Variants in BCAS4 observed in about 807,000 individuals in gnomAD.
BCAS4 encodes the protein breast carcinoma-amplified sequence 4.
BCAS4 carries 9 observed loss-of-function variants against 15.7 expected under a neutral mutation model. The ratio of observed to expected loss-of-function variants is 0.57; its 90% CI spans 0.34 to 1.00. The LOEUF (loss-of-function observed/expected upper bound fraction) is 1.00. BCAS4 is among the 50% of genes least tolerant of loss of function. BCAS4 has a pLI of 0.02. For synonymous variants in BCAS4, 101 were observed against 99.5 expected (o/e 1.02, Z -0.09); for missense variants, 225 against 239.1 (o/e 0.94, Z 0.39).
chr20:50,864,209 C>T (rs1052450457), intron 4 of BCAS4, among the ~76,000 whole-genome samples: 17 of 152,308 alleles, frequency 1.1e-4, no homozygotes, highest in South Asian at 2.1e-4. Flanking sequence ...GATAGCAGAG[C>T]GGTAGCCCAC....
At chr20:50,798,422 C>T (rs1444223544) in intron 1 of BCAS4, among the ~76,000 whole-genome samples, 1 of 151,962 alleles carries the variant, frequency 6.6e-6, no homozygotes, top group Non-Finnish European at 1.5e-5. Flanking sequence ...GCCTGTGGTC[C>T]CAGTACTTTG....
rs147188706 is a variant in BCAS4 at position 50,823,608 on chromosome 20, G to T, written c.162+5326G>T. Among the ~76,000 whole-genome samples, 791 of 152,256 alleles carry T rather than the reference G, an allele frequency of 5.2e-3. 11 individuals carry two copies. Among genetic ancestry groups the T allele is most frequent in the East Asian group, 0.037 (191 of 5,176 alleles). The stretch of plus-strand genomic sequence containing the variant: ...AGGACAAAGTGGGAGGGTTGCTTGA[G>T]CTCAGGAGTTTGAGACCAGCCTGGG... On this transcript the variant is annotated intron_variant, in intron 2 of 4. Transcript: ENST00000371608.
At chr20:50,829,331 C>T (rs1168155136) in intron 2 of BCAS4, among the ~76,000 whole-genome samples, 1 of 152,122 alleles carries the variant, frequency 6.6e-6, no homozygotes, top group African/African-American at 2.4e-5. Context: ...CAACCTCCGC[C>T]TCCCGGGTTC....
upstream of BCAS4, chr20:50,794,919 C>A: frequency 9.5e-7 from 1 of 1,048,642 alleles, no homozygotes; most frequent in Non-Finnish European, 1.2e-6. Flanking sequence ...CCCGCTCGGC[C>A]CGGCGCTCCT....
At chr20:50,803,671 T>A (rs1047047457) in intron 1 of BCAS4, among the ~76,000 whole-genome samples, 2 of 151,926 alleles carry the variant, frequency 1.3e-5, no homozygotes, top group Non-Finnish European at 2.9e-5. Context: ...AGCAAGACCA[T>A]GTCTCTACAA....
chr20:50,795,592 C>G (rs1252868672), intron 1 of BCAS4, among the ~76,000 whole-genome samples: 2 of 152,230 alleles, frequency 1.3e-5, no homozygotes, highest in African/African-American at 4.8e-5. Context: ...GAAAACACCA[C>G]GCCTCTGTCT....
intron 3 of BCAS4, among the ~76,000 whole-genome samples, chr20:50,833,717 C>G (rs1028039946): frequency 6.6e-6 from 1 of 152,156 alleles, no homozygotes; most frequent in African/African-American, 2.4e-5. Context: ...TTCTTACACC[C>G]AAATCCTTGT....
At chr20:50,841,376 A>C (rs1421746628) in intron 3 of BCAS4, among the ~76,000 whole-genome samples, 2 of 152,198 alleles carry the variant, frequency 1.3e-5, no homozygotes, top group African/African-American at 4.8e-5. Context: ...TATTTCTATA[A>C]AATCAACTTT....
chr20:50,849,354 G>A (rs1278726334), intron 4 of BCAS4, among the ~76,000 whole-genome samples: 3 of 152,188 alleles, frequency 2.0e-5, no homozygotes, highest in South Asian at 2.1e-4. Context: ...GCTGGGACTC[G>A]GGGCTGCCTG....
At chr20:50,858,197 G>A (rs1268135383) in intron 4 of BCAS4, among the ~76,000 whole-genome samples, 1 of 152,152 alleles carries the variant, frequency 6.6e-6, no homozygotes, top group East Asian at 1.9e-4. Context: ...AAAAATCCAT[G>A]GGTGCTTGAG....
chr20:50,854,988 C>A (rs530259258), intron 4 of BCAS4, among the ~76,000 whole-genome samples: 2 of 152,106 alleles, frequency 1.3e-5, no homozygotes, highest in Non-Finnish European at 2.9e-5. Context: ...AGGAGCACGC[C>A]GGTGCTCAGG....
intron 4 of BCAS4, among the ~76,000 whole-genome samples, chr20:50,874,636 C>G (rs116038037): frequency 0.029 from 4,391 of 152,242 alleles, 201 homozygotes; most frequent in African/African-American, 0.096. Context: ...CTGTGAGTTG[C>G]CGGCTGGTGG....
chr20:50,796,439 TTTTC>T (rs1243225338), intron 1 of BCAS4, among the ~76,000 whole-genome samples: 1 of 132,930 alleles, frequency 7.5e-6, no homozygotes, highest in East Asian at 2.2e-4. Flanking sequence ...TCTTTTTTCT[TTTTC>T]TTTTTCTCCA....
intron 2 of BCAS4, among the ~76,000 whole-genome samples, chr20:50,820,369 T>C (rs981718139): frequency 5.9e-5 from 9 of 152,074 alleles, no homozygotes; most frequent in South Asian, 4.2e-4. Context: ...TTGGGAAGGC[T>C]TCGTATAACA....
In BCAS4 at chr20:50,797,708, C is replaced by T. The variant is rs188102341; in HGVS notation, c.90+2535C>T. Among the ~76,000 whole-genome samples, 6 of 152,220 alleles carry T rather than the reference C, an allele frequency of 3.9e-5. No homozygotes were observed. The East Asian group carries it at 1.2e-3, about 30-fold the overall frequency. On this transcript the variant is annotated intron_variant, in intron 1 of 4. Coordinates refer to ENST00000371608, the MANE Select transcript of BCAS4 (RefSeq NM_198799.4). ...GAGACAGAGTTTCACTCTTGTTGCC[C>T]AGGCTGGAGTGCAATGGTGTGATCT...
intron 2 of BCAS4, among the ~76,000 whole-genome samples, chr20:50,827,123 G>A (rs1047230048): frequency 2.0e-5 from 3 of 152,190 alleles, no homozygotes; most frequent in Non-Finnish European, 4.4e-5. Context: ...TCCTCTTTCT[G>A]TTCCAGGATC....
At chr20:50,831,450 G>T (rs1370869129) in intron 3 of BCAS4, among the ~76,000 whole-genome samples, 1 of 152,066 alleles carries the variant, frequency 6.6e-6, no homozygotes, top group East Asian at 1.9e-4. Context: ...GGTGGCTGCT[G>T]CTCCTCAGAA....
downstream of BCAS4, chr20:50,881,007 T>C (rs767691353): frequency 9.2e-5 from 14 of 151,928 alleles, no homozygotes; most frequent in Non-Finnish European, 1.9e-4. Flanking sequence ...CCAAGGTGGG[T>C]GGATCGCTTG....
At chr20:50,828,246 G>A (rs1016633057) in intron 2 of BCAS4, among the ~76,000 whole-genome samples, 16 of 152,046 alleles carry the variant, frequency 1.1e-4, no homozygotes, top group Admixed American at 7.9e-4. Context: ...CTAGAGCTAG[G>A]TGCCCAGAGA....
Sources: gnomAD v4.1 joint callset for allele counts (sites outside exome capture counted in the v4.1 genomes callset) on GRCh38, gnomAD v4.1.1 for gene constraint, MANE v1.5 for transcripts, NCBI Gene and HGNC (gene_info 2026-07-23, HGNC 2026-07-21) for gene names.